Variants in SLC2A13 observed in about 807,000 individuals in gnomAD.
SLC2A13 encodes proton myo-inositol cotransporter.
A neutral mutation model predicts 64.4 loss-of-function variants in SLC2A13; 32 were observed. The ratio of observed to expected loss-of-function variants is 0.50; its 90% CI spans 0.37 to 0.67. SLC2A13 has a LOEUF of 0.67. Among genes scored for constraint, SLC2A13 ranks in the 30% least tolerant of loss-of-function variants. The pLI, the probability that SLC2A13 is intolerant of heterozygous loss-of-function variation, is 0.00. For synonymous variants in SLC2A13, 338 were observed against 327.1 expected (o/e 1.03, Z -0.36); for missense variants, 743 against 829.2 (o/e 0.90, Z 1.28).
intron 4 of SLC2A13, among the ~76,000 whole-genome samples, chr12:39,943,989 T>C (rs1481695563): frequency 6.7e-6 from 1 of 150,022 alleles, no homozygotes; most frequent in African/African-American, 2.4e-5. Flanking sequence ...TTTAGGGCTA[T>C]GAACTTTCCT....
chr12:39,937,230 AACCTTTCAAGAC>A (rs1262166834), intron 4 of SLC2A13, among the ~76,000 whole-genome samples: 1 of 152,210 alleles, frequency 6.6e-6, no homozygotes, highest in African/African-American at 2.4e-5. Flanking sequence ...ATCTTCAAGC[AACCTTTCAAGAC>A]AGGTCACAGC....
chr12:40,034,126 T>C lies in SLC2A13; in HGVS notation c.717-5617A>G, dbSNP rs528576069. 4.6e-5 allele frequency among the ~76,000 whole-genome samples: 7 copies of C among 152,372 alleles called. No individual in the cohort carries two copies. In the East Asian group the frequency reaches 1.3e-3, roughly 29 times the overall value. On this transcript the variant is annotated intron_variant, in intron 2 of 9. Transcript: ENST00000280871. ...AAAACTATCCTAGTTAAGGGAAGTT[T>C]ATTACACTACATTGTATTTTTTAAA...
intron 7 of SLC2A13, among the ~76,000 whole-genome samples, chr12:39,799,341 C>T (rs1362905416): frequency 6.7e-6 from 1 of 148,264 alleles, no homozygotes; most frequent in African/African-American, 2.5e-5. Context: ...AACTCCTGGC[C>T]TCAAGTGATC....
At chr12:39,909,247 T>G (rs1439127942) in intron 4 of SLC2A13, among the ~76,000 whole-genome samples, 7 of 152,090 alleles carry the variant, frequency 4.6e-5, no homozygotes, top group Non-Finnish European at 1.0e-4. Flanking sequence ...CATATAATTC[T>G]TTTATAAGTC....
chr12:39,852,790 T>C (rs1297554688), intron 6 of SLC2A13, among the ~76,000 whole-genome samples: 6 of 152,188 alleles, frequency 3.9e-5, no homozygotes, highest in Admixed American at 2.6e-4. Flanking sequence ...ACCAATCAGA[T>C]TGGTTGTGAC....
intron 2 of SLC2A13, among the ~76,000 whole-genome samples, chr12:40,046,636 G>GAA (rs547750463): frequency 1.4e-5 from 2 of 138,000 alleles, no homozygotes; most frequent in Admixed American, 7.2e-5. Flanking sequence ...CTACTGAGTA[G>GAA]AAAAAAAAAA....
chr12:39,777,986 A>T (rs1414704715), intron 7 of SLC2A13, among the ~76,000 whole-genome samples: 1 of 152,188 alleles, frequency 6.6e-6, no homozygotes, highest in East Asian at 1.9e-4. Context: ...CTAAACTAAA[A>T]GAGCACCCTG....
At position 39,921,235 on chromosome 12, in the gene SLC2A13, G is replaced by A. The variant is rs548831775; in HGVS notation, c.1034+30022C>T. Among the ~76,000 whole-genome samples the A allele has an allele frequency of 2.0e-5, 3 of 152,132 alleles. No homozygotes were observed. In the South Asian group the frequency reaches 6.2e-4, roughly 32 times the overall value. On this transcript the variant is annotated intron_variant, in intron 4 of 9. Coordinates refer to ENST00000280871, the MANE Select transcript of SLC2A13 (RefSeq NM_052885.4). ...GGTGTTTGCTTTGGGAGATTTGTTGGCTTTGAAGCGCATGCATGGTCTTCC... is the reference window on the plus strand; with the variant it reads ...GGTGTTTGCTTTGGGAGATTTGTTGACTTTGAAGCGCATGCATGGTCTTCC...
Position 39,759,785 on chromosome 12 carries a change from C to G in SLC2A13, c.*241G>C, listed in dbSNP as rs1355821298. ...TAGACTATTTCAGGAAGGCATTACA[C>G]ACATTTGCTTAAGAATTATTAGATT... On this transcript the variant is annotated 3_prime_UTR_variant, in exon 10 of 10. Coordinates refer to ENST00000280871, the MANE Select transcript of SLC2A13 (RefSeq NM_052885.4). The G allele has an allele frequency of 2.1e-6, 1 of 468,558 alleles. No individual in the cohort carries two copies. The highest frequency in any genetic ancestry group is 3.8e-6 in the Non-Finnish European group (1 of 263,554). The allele number at this position is 468,558 out of a possible 1,614,324, so 29.0% of individuals were successfully genotyped here.
At chr12:39,953,256 T>C (rs1030459021) in intron 3 of SLC2A13, among the ~76,000 whole-genome samples, 1 of 152,172 alleles carries the variant, frequency 6.6e-6, no homozygotes, top group Non-Finnish European at 1.5e-5. Flanking sequence ...ATCACATATT[T>C]CCTAGTTTTT....
chr12:39,902,062 A>C (rs1945134014), intron 4 of SLC2A13, among the ~76,000 whole-genome samples: 1 of 152,002 alleles, frequency 6.6e-6, no homozygotes. Context: ...TGAAATTGGA[A>C]ACCATCATTC....
Position 40,034,791 on chromosome 12 carries a change from T to C in SLC2A13, c.717-6282A>G, listed in dbSNP as rs971849674. Among the ~76,000 whole-genome samples the C allele has an allele frequency of 4.6e-5, 7 of 152,326 alleles. No individual in the cohort carries two copies. In the East Asian group the frequency reaches 9.6e-4, roughly 21 times the overall value. The stretch of plus-strand genomic sequence containing the variant: ...AAAAAGGGTTAGCAATTAGAATCAA[T>C]AGATTCTTTGAAAACACTAACTAAT... On this transcript the variant is annotated intron_variant, in intron 2 of 9. Transcript: ENST00000280871.
At chr12:39,905,650 C>T (rs1945252052) in intron 4 of SLC2A13, among the ~76,000 whole-genome samples, 1 of 151,908 alleles carries the variant, frequency 6.6e-6, no homozygotes, top group Admixed American at 6.6e-5. Context: ...GGATGCTATC[C>T]TTTAAGACAT....
At chr12:40,049,779 T>G (rs1326877536) in intron 1 of SLC2A13, among the ~76,000 whole-genome samples, 1 of 152,174 alleles carries the variant, frequency 6.6e-6, no homozygotes, top group Non-Finnish European at 1.5e-5. Flanking sequence ...GCAAGATTTA[T>G]TTAAGTAATA....
chr12:39,945,913 G>A (rs1045272978), intron 4 of SLC2A13, among the ~76,000 whole-genome samples: 1 of 151,786 alleles, frequency 6.6e-6, no homozygotes, highest in African/African-American at 2.4e-5. Context: ...ATTTTTTGTG[G>A]GGGGGTGTTG....
chr12:39,821,588 T>C (rs1334418996), intron 7 of SLC2A13, among the ~76,000 whole-genome samples: 4 of 152,204 alleles, frequency 2.6e-5, no homozygotes, highest in Non-Finnish European at 5.9e-5. Context: ...TCAGTTATGC[T>C]TCTGTTCCAC....
intron 3 of SLC2A13, among the ~76,000 whole-genome samples, chr12:39,969,053 G>T (rs763304993): frequency 6.6e-6 from 1 of 151,836 alleles, no homozygotes; most frequent in African/African-American, 2.4e-5. Context: ...GTGGTGTTTG[G>T]TTTTTTTGTC....
intron 3 of SLC2A13, among the ~76,000 whole-genome samples, chr12:40,022,864 T>C (rs918339170): frequency 1.3e-5 from 2 of 151,970 alleles, no homozygotes; most frequent in Non-Finnish European, 2.9e-5. Flanking sequence ...TAATATGTAA[T>C]TTTTTAACAT....
At chr12:39,941,395 T>C (rs149922748) in intron 4 of SLC2A13, among the ~76,000 whole-genome samples, 23 of 152,306 alleles carry the variant, frequency 1.5e-4, no homozygotes, top group African/African-American at 5.5e-4. Flanking sequence ...ACCAGCAGTG[T>C]AGAAGTGCTC....
Sources: gnomAD v4.1 joint callset for allele counts (sites outside exome capture counted in the v4.1 genomes callset) on GRCh38, gnomAD v4.1.1 for gene constraint, MANE v1.5 for transcripts, NCBI Gene and HGNC (gene_info 2026-07-23, HGNC 2026-07-21) for gene names.